The following NKAIN2 variants were observed in gnomAD, a reference collection of about 807,000 sequenced individuals.
The protein encoded by NKAIN2 is sodium/potassium transporting ATPase interacting 2, also known as sodium/potassium-transporting ATPase subunit beta-1-interacting protein 2.
Under a neutral mutation model 32.6 loss-of-function variants are expected in NKAIN2, and 14 were observed. The observed-to-expected ratio is 0.43, with a 90% CI of 0.28 to 0.67. NKAIN2 has a LOEUF of 0.67. Among genes scored for constraint, NKAIN2 ranks in the 30% least tolerant of loss-of-function variants. The pLI is 0.17. For missense variants in NKAIN2, 198 were observed against 258.3 expected, an observed-to-expected ratio of 0.77 and a Z score of 1.60; for synonymous variants, 80 against 87.2, an observed-to-expected ratio of 0.92 and a Z score of 0.46.
intron 1 of NKAIN2, among the ~76,000 whole-genome samples, chr6:124,197,131 TAA>T: frequency 6.6e-6 from 1 of 151,920 alleles, no homozygotes; most frequent in Non-Finnish European, 1.5e-5. Flanking sequence ...TTGTAGAAAA[TAA>T]TATTTTGAAA....
chr6:124,443,474 T>C (rs1330021324), intron 3 of NKAIN2, among the ~76,000 whole-genome samples: 1 of 152,118 alleles, frequency 6.6e-6, no homozygotes, highest in African/African-American at 2.4e-5. Context: ...AAAGATGCCA[T>C]GTCTGGTATA....
At chr6:123,871,346 A>C (rs1772863879) in intron 1 of NKAIN2, among the ~76,000 whole-genome samples, 2 of 152,120 alleles carry the variant, frequency 1.3e-5, no homozygotes, top group African/African-American at 4.8e-5. Context: ...ATTTCGCTGA[A>C]ATATGTTCCA....
chr6:124,239,525 C>T (rs574368230), intron 1 of NKAIN2, among the ~76,000 whole-genome samples: 26 of 152,118 alleles, frequency 1.7e-4, no homozygotes, highest in South Asian at 4.2e-4. Context: ...TGAAAAAGAA[C>T]GAAAATCATA....
intron 3 of NKAIN2, among the ~76,000 whole-genome samples, chr6:124,642,837 A>G (rs1784040217): frequency 6.6e-6 from 1 of 152,162 alleles, no homozygotes; most frequent in African/African-American, 2.4e-5. Flanking sequence ...TAATGTCATC[A>G]ACATAAATAT....
chr6:124,345,749 C>T lies in NKAIN2; in HGVS notation c.193-9518C>T, dbSNP rs549466551. Reference sequence around the variant, plus strand: ...TTTTCTTCTTTATTAGTCTTGCTAGCGGTCTATCAATTTTGTTGATCCTTT... The same window carrying T: ...TTTTCTTCTTTATTAGTCTTGCTAGTGGTCTATCAATTTTGTTGATCCTTT... On this transcript the variant is annotated intron_variant, in intron 2 of 6. Transcript: ENST00000368417. Among the ~76,000 whole-genome samples, 121 of 150,492 alleles carry T rather than the reference C, an allele frequency of 8.0e-4. No homozygotes were observed. In the East Asian group the frequency reaches 9.7e-3, roughly 12 times the overall value.
At chr6:124,314,613 A>G (rs886562725) in intron 2 of NKAIN2, among the ~76,000 whole-genome samples, 4 of 152,118 alleles carry the variant, frequency 2.6e-5, no homozygotes, top group Non-Finnish European at 5.9e-5. Flanking sequence ...AATTGAGACA[A>G]TCTAGAGGCT....
Position 124,729,662 on chromosome 6 carries a change from C to T in NKAIN2, c.475-61677C>T, listed in dbSNP as rs1220922501. Reference sequence around the variant, plus strand: ...GAAAACTGGCACAAGACAGGGATGCCCTCTCTCACCACTCCTATTCAACAT... The same window carrying T: ...GAAAACTGGCACAAGACAGGGATGCTCTCTCTCACCACTCCTATTCAACAT... On this transcript the variant is annotated intron_variant, in intron 4 of 6. Transcript: ENST00000368417. Among the ~76,000 whole-genome samples the T allele has an allele frequency of 2.7e-5, 4 of 150,808 alleles. No individual in the cohort carries two copies. In the East Asian group the frequency reaches 5.9e-4, roughly 22 times the overall value.
chr6:124,408,994 T>G (rs1317217768), intron 3 of NKAIN2, among the ~76,000 whole-genome samples: 1 of 152,218 alleles, frequency 6.6e-6, no homozygotes, highest in East Asian at 1.9e-4. Flanking sequence ...TTTGGCTGTT[T>G]GTCTGTTATT....
intron 1 of NKAIN2, among the ~76,000 whole-genome samples, chr6:123,937,481 T>G (rs1177926451): frequency 6.6e-6 from 1 of 152,038 alleles, no homozygotes; most frequent in South Asian, 2.1e-4. Context: ...ACTTATTTGC[T>G]CCAGTTTATA....
chr6:124,239,604 C>G (rs1469909059), intron 1 of NKAIN2, among the ~76,000 whole-genome samples: 4 of 152,158 alleles, frequency 2.6e-5, no homozygotes, highest in Non-Finnish European at 5.9e-5. Context: ...CTCAACACCA[C>G]ACAACTACAT....
At chr6:124,437,829 G>A in intron 3 of NKAIN2, 1 of 394,450 alleles carries the variant, frequency 2.5e-6, no homozygotes, top group South Asian at 1.9e-5. Flanking sequence ...TCAACGCATG[G>A]GATACGGTAG....
intron 1 of NKAIN2, among the ~76,000 whole-genome samples, chr6:124,041,729 A>G (rs980595945): frequency 1.3e-5 from 2 of 152,222 alleles, no homozygotes; most frequent in Admixed American, 1.3e-4. Context: ...AAAAGGGAAA[A>G]AAACAGTTTA....
chr6:123,943,732 A>G (rs1043826821), intron 1 of NKAIN2, among the ~76,000 whole-genome samples: 3 of 152,062 alleles, frequency 2.0e-5, no homozygotes, highest in African/African-American at 7.2e-5. Flanking sequence ...ATAGACTTTA[A>G]TGTATACTCA....
At chr6:123,967,625 G>T (rs1435751233) in intron 1 of NKAIN2, among the ~76,000 whole-genome samples, 1 of 152,034 alleles carries the variant, frequency 6.6e-6, no homozygotes, top group African/African-American at 2.4e-5. Context: ...GTAGAGCACA[G>T]AAGTCCAACA....
At chr6:124,216,871 T>C (rs1204953544) in intron 1 of NKAIN2, among the ~76,000 whole-genome samples, 1 of 152,180 alleles carries the variant, frequency 6.6e-6, no homozygotes, top group Admixed American at 6.5e-5. Flanking sequence ...GGTTCATTAT[T>C]GGATAATTCA....
chr6:124,223,684 GTTTAT>G (rs1791953239), intron 1 of NKAIN2, among the ~76,000 whole-genome samples: 1 of 152,038 alleles, frequency 6.6e-6, no homozygotes, highest in Non-Finnish European at 1.5e-5. Context: ...TTCTTGATTT[GTTTAT>G]TTTGTCAACT....
At chr6:124,359,700 C>A (rs1037357803) in intron 3 of NKAIN2, among the ~76,000 whole-genome samples, 3 of 152,150 alleles carry the variant, frequency 2.0e-5, no homozygotes, top group East Asian at 1.9e-4. Flanking sequence ...TCTAGATATA[C>A]AATGATGTCA....
At chr6:124,208,766 AT>A (rs1562423285) in intron 1 of NKAIN2, among the ~76,000 whole-genome samples, 1 of 150,258 alleles carries the variant, frequency 6.7e-6, no homozygotes, top group Non-Finnish European at 1.5e-5. Context: ...ATGCAGAAAA[AT>A]ATTTATTTAT....
chr6:124,244,704 C>A (rs1404722549), intron 1 of NKAIN2, among the ~76,000 whole-genome samples: 1 of 151,958 alleles, frequency 6.6e-6, no homozygotes, highest in African/African-American at 2.4e-5. Flanking sequence ...ACTTAAGCAC[C>A]GTAAGGACTA....
Sources: gnomAD v4.1 joint callset for allele counts (sites outside exome capture counted in the v4.1 genomes callset) on GRCh38, gnomAD v4.1.1 for gene constraint, MANE v1.5 for transcripts, NCBI Gene and HGNC (gene_info 2026-07-23, HGNC 2026-07-21) for gene names.